Variants in ADARB1 observed in about 807,000 individuals in gnomAD.
The protein encoded by ADARB1 is adenosine deaminase RNA specific B1, also known as double-stranded RNA-specific editase 1.
A neutral mutation model predicts 52.4 loss-of-function variants in ADARB1; 10 were observed. The ratio of observed to expected loss-of-function variants is 0.19; its 90% CI spans 0.12 to 0.32. The LOEUF (loss-of-function observed/expected upper bound fraction) is 0.32, where lower values mean the gene tolerates loss of function less well. ADARB1 is among the 10% of genes least tolerant of loss of function. The probability of loss-of-function intolerance (pLI) is 1.00; values close to 1 mark genes in which losing one functional copy is unlikely to be tolerated. For synonymous variants in ADARB1, 349 were observed against 371.1 expected (o/e 0.94, Z 0.68); for missense variants, 643 against 922.3 (o/e 0.70, Z 3.92).
At chr21:45,219,196 T>C (rs539236423) in intron 9 of ADARB1, among the ~76,000 whole-genome samples, 60 of 152,322 alleles carry the variant, frequency 3.9e-4, no homozygotes, top group Non-Finnish European at 6.9e-4. Flanking sequence ...GACATTTTTG[T>C]AAGTGCTGAT....
intron 2 of ADARB1, among the ~76,000 whole-genome samples, chr21:45,171,041 C>G (rs188358055): frequency 4.6e-5 from 7 of 152,290 alleles, no homozygotes; most frequent in Non-Finnish European, 8.8e-5. Flanking sequence ...GCTGTAGGTT[C>G]TGGTTCTGCT....
At chr21:45,106,837 A>G (rs111471851) in intron 1 of ADARB1, among the ~76,000 whole-genome samples, 10 of 152,212 alleles carry the variant, frequency 6.6e-5, no homozygotes, top group African/African-American at 2.2e-4. Flanking sequence ...AGTGCGTCAG[A>G]GCAGGGCTTG....
Position 45,222,801 on chromosome 21 carries a change from C to G in ADARB1, c.*604C>G. 1.0e-6 allele frequency: 1 copy of G among 985,578 alleles called. No individual in the cohort carries two copies. The highest frequency in any genetic ancestry group is 1.7e-5 in the African/African-American group (1 of 57,354). The allele number at this position is 985,578 out of a possible 1,614,324, so 61.1% of individuals were successfully genotyped here. A position where few individuals can be genotyped will look rare whatever the true frequency, so the allele number is the denominator to read the frequency against. On this transcript the variant is annotated 3_prime_UTR_variant, in exon 11 of 11. Coordinates refer to ENST00000348831, the MANE Select transcript of ADARB1 (RefSeq NM_001112.4). ...GTTCCACACACTAGGTTGTAACAGT[C>G]TCTCCCTGAGGAGCAGACTCCCAGC... is the stretch of plus-strand genomic sequence containing the variant.
At chr21:45,163,336 G>A (rs1200874903) in intron 2 of ADARB1, among the ~76,000 whole-genome samples, 1 of 152,258 alleles carries the variant, frequency 6.6e-6, no homozygotes, top group Admixed American at 6.5e-5. Flanking sequence ...TGATTAGTTG[G>A]TTGAGGACAT....
At chr21:45,137,485 C>T (rs980804162) in intron 2 of ADARB1, among the ~76,000 whole-genome samples, 2 of 152,132 alleles carry the variant, frequency 1.3e-5, no homozygotes, top group Non-Finnish European at 2.9e-5. Context: ...GGTGGCCCTT[C>T]GGGTGTGCCA....
rs2090728819 is a variant in ADARB1 at position 45,157,560 on chromosome 21, G to A, written c.-47-14050G>A. Among the ~76,000 whole-genome samples the A allele has an allele frequency of 6.6e-6, 1 of 152,138 alleles. No individual in the cohort carries two copies. The highest frequency in any genetic ancestry group is 1.5e-5 in the Non-Finnish European group (1 of 68,028). ...GCCGGCTCTGACCTGTGATTTTGTT[G>A]CTGGATGTCTCCTTCAGCAGTTCAT... On this transcript the variant is annotated intron_variant, in intron 2 of 10. Transcript: ENST00000348831. This position sits in a 1 kb window ranked among gnomAD's most constrained non-coding sequence, Gnocchi z 4.1.
At chr21:45,109,284 G>C (rs573240497) in intron 1 of ADARB1, among the ~76,000 whole-genome samples, 1 of 150,044 alleles carries the variant, frequency 6.7e-6, no homozygotes, top group South Asian at 2.1e-4. Context: ...GCGTGTGCGC[G>C]CTTGTGCATA....
intron 1 of ADARB1, among the ~76,000 whole-genome samples, chr21:45,104,098 G>A (rs920603548): frequency 3.3e-5 from 5 of 152,292 alleles, no homozygotes; most frequent in South Asian, 2.1e-4. Context: ...CAGCTAGCTC[G>A]TATACTTTTT....
Position 45,100,840 on chromosome 21 carries a change from C to T in ADARB1, c.-220+26047C>T, listed in dbSNP as rs554962872. 1.2e-4 allele frequency: 18 copies of T among 152,812 alleles called. No individual in the cohort carries two copies. The South Asian group carries it at 3.1e-3, about 26-fold the overall frequency. 9.5% of individuals were successfully genotyped at this position (152,812 alleles called of 1,614,324 possible). A position where few individuals can be genotyped will look rare whatever the true frequency, so the allele number is the denominator to read the frequency against. On this transcript the variant is annotated intron_variant, in intron 1 of 10. Transcript: ENST00000348831. ...ACAGGAGAATGGGCCACAGGGCCAG[C>T]GGGGCCAGCAGGATGAGCAGGCCTG...
chr21:45,143,641 G>A (rs982302360), intron 2 of ADARB1, among the ~76,000 whole-genome samples: 8 of 152,166 alleles, frequency 5.3e-5, no homozygotes, highest in Admixed American at 6.5e-5. Flanking sequence ...CTGGACCTCC[G>A]TCTCCTCTCA....
chr21:45,098,497 C>T (rs1008939405), intron 1 of ADARB1, among the ~76,000 whole-genome samples: 1 of 152,208 alleles, frequency 6.6e-6, no homozygotes, highest in South Asian at 2.1e-4. Context: ...CCGTCCTGAC[C>T]TGCCTGTTTA....
At chr21:45,196,543 G>A (rs1479798265) in intron 8 of ADARB1, among the ~76,000 whole-genome samples, 2 of 152,210 alleles carry the variant, frequency 1.3e-5, no homozygotes, top group South Asian at 4.1e-4. Flanking sequence ...TTTAAACAGT[G>A]AGAAATAAAC....
Position 45,225,943 on chromosome 21 carries a change from G to A in ADARB1, c.*3746G>A, listed in dbSNP as rs1387870720. 3.7e-5 allele frequency: 7 copies of A among 191,052 alleles called. No homozygotes were observed. Among genetic ancestry groups the A allele is most frequent in the Non-Finnish European group, 7.4e-5 (7 of 94,158 alleles). 11.8% of individuals were successfully genotyped at this position (191,052 alleles called of 1,614,324 possible). ...CCAGCCCCGAGGCCAGTGGTTGCTCGGGGCCTTCCGTGTGAGTTCTAGTGT... is the reference window on the plus strand; with the variant it reads ...CCAGCCCCGAGGCCAGTGGTTGCTCAGGGCCTTCCGTGTGAGTTCTAGTGT... On this transcript the variant is annotated 3_prime_UTR_variant, in exon 11 of 11. Transcript: ENST00000348831.
chr21:45,181,071 A>G (rs1422850301), intron 5 of ADARB1, among the ~76,000 whole-genome samples: 1 of 152,210 alleles, frequency 6.6e-6, no homozygotes, highest in African/African-American at 2.4e-5. Flanking sequence ...AGCAAGACTC[A>G]GGGAGAGGAC....
chr21:45,214,450 A>G (rs553413412), intron 9 of ADARB1, among the ~76,000 whole-genome samples: 1 of 152,306 alleles, frequency 6.6e-6, no homozygotes, highest in African/African-American at 2.4e-5. Context: ...TCTAAGAAAT[A>G]TTTGCCTAAG....
chr21:45,118,011 A>T (rs1202328633), intron 1 of ADARB1, among the ~76,000 whole-genome samples: 1 of 152,254 alleles, frequency 6.6e-6, no homozygotes, highest in African/African-American at 2.4e-5. Flanking sequence ...AAACATTTGT[A>T]GTGTTTCCCA....
rs538141938 is a variant in ADARB1 at position 45,124,569 on chromosome 21, G to A, written c.-219-3833G>A. On this transcript the variant is annotated intron_variant, in intron 1 of 10. Coordinates refer to ENST00000348831, the MANE Select transcript of ADARB1 (RefSeq NM_001112.4). The stretch of plus-strand genomic sequence containing the variant: ...TTCTTTATTTTTTTTGTAGAGACAA[G>A]GTCTCACTATGTTGCCAGGACTGAT... Among the ~76,000 whole-genome samples, 9 of 152,122 alleles carry A rather than the reference G, an allele frequency of 5.9e-5. No individual in the cohort carries two copies. In the East Asian group the frequency reaches 1.7e-3, roughly 29 times the overall value.
At chr21:45,087,137 G>A (rs964987556) in intron 1 of ADARB1, among the ~76,000 whole-genome samples, 1 of 152,074 alleles carries the variant, frequency 6.6e-6, no homozygotes, top group South Asian at 2.1e-4. Flanking sequence ...AGTACGGTTG[G>A]GCATATTAAA....
In ADARB1 at chr21:45,214,086, G is replaced by A. The variant is rs773271008; in HGVS notation, c.1748-6750G>A. ...GCGGTTGCTTTAGAAATTTTAGCAG[G>A]TGTTTAGTGATATTCCATTGTGCTT... On this transcript the variant is annotated intron_variant, in intron 9 of 10. Coordinates refer to ENST00000348831, the MANE Select transcript of ADARB1 (RefSeq NM_001112.4). 7.2e-4 allele frequency among the ~76,000 whole-genome samples: 110 copies of A among 152,332 alleles called. No individual in the cohort carries two copies. The Middle Eastern group carries it at 0.014, about 19-fold the overall frequency.
Sources: gnomAD v4.1 joint callset for allele counts (sites outside exome capture counted in the v4.1 genomes callset) on GRCh38, gnomAD v4.1.1 for gene constraint, Gnocchi (gnomAD v3.1) non-coding constraint, MANE v1.5 for transcripts, NCBI Gene and HGNC (gene_info 2026-07-23, HGNC 2026-07-21) for gene names.